The following RBMS3 variants were observed in gnomAD, a reference collection of about 807,000 sequenced individuals.
RBMS3 encodes RNA-binding motif, single-stranded-interacting protein 3.
In RBMS3, 27 loss-of-function variants were observed where a neutral mutation model predicts 66.8. The observed-to-expected ratio is 0.40, with a 90% confidence interval of 0.30 to 0.56. RBMS3 has a LOEUF of 0.56. RBMS3 is among the 20% of genes least tolerant of loss of function. The probability of loss-of-function intolerance (pLI) is 0.40; values close to 1 mark genes in which losing one functional copy is unlikely to be tolerated. For synonymous variants in RBMS3, 188 were observed against 183.0 expected, an observed-to-expected ratio of 1.03 and a Z score of -0.22; for missense variants, 513 against 549.5, an observed-to-expected ratio of 0.93 and a Z score of 0.66.
chr3:29,580,021 G>C (rs1307785738), intron 3 of RBMS3, among the ~76,000 whole-genome samples: 1 of 152,178 alleles, frequency 6.6e-6, no homozygotes, highest in Non-Finnish European at 1.5e-5. Flanking sequence ...TTGAATTTGT[G>C]TTTAGTTTAA....
chr3:29,473,161 T>G (rs11720003), intron 2 of RBMS3, among the ~76,000 whole-genome samples: 70,873 of 144,754 alleles, frequency 0.49, 17,391 homozygotes, highest in East Asian at 0.64. Flanking sequence ...AGACATAAAG[T>G]TTCTCCAAGT....
intron 1 of RBMS3, among the ~76,000 whole-genome samples, chr3:29,329,703 A>G (rs1283942086): frequency 2.0e-5 from 3 of 151,762 alleles, no homozygotes; most frequent in African/African-American, 7.2e-5. Context: ...CTTAATGCAT[A>G]TTTAAGCACA....
intron 3 of RBMS3, among the ~76,000 whole-genome samples, chr3:29,582,593 T>C (rs1408513353): frequency 1.3e-5 from 2 of 152,190 alleles, no homozygotes; most frequent in Non-Finnish European, 2.9e-5. Flanking sequence ...CAGTGTTGTG[T>C]TGAGGATTTT....
chr3:29,801,272 C>CTTTTTTTTTTTTTTTT lies in RBMS3; in HGVS notation c.637+38296_637+38297insTTTTTTTTTTTTTTTT, dbSNP rs200997680. 8.5e-5 allele frequency among the ~76,000 whole-genome samples: 11 copies of CTTTTTTTTTTTTTTTT among 129,478 alleles called. 1 individual carries two copies. The highest frequency in any genetic ancestry group is 2.4e-4 in the South Asian group (1 of 4,242). 84.9% of individuals were successfully genotyped at this position (129,478 alleles called of 152,430 possible). A position where few individuals can be genotyped will look rare whatever the true frequency, so the allele number is the denominator to read the frequency against. ...AACTTGAAGAATCATTGCTTTTTTTCTTTTTTTTTTTTTGAGACAAAGTCT... is the reference window on the plus strand; with the variant it reads ...AACTTGAAGAATCATTGCTTTTTTTCTTTTTTTTTTTTTTTTTTTTTTTTTTTTTGAGACAAAGTCT... On this transcript the variant is annotated intron_variant, in intron 6 of 14. Transcript: ENST00000383767.
intron 1 of RBMS3, among the ~76,000 whole-genome samples, chr3:29,429,768 A>C (rs1187499202): frequency 6.6e-6 from 1 of 152,170 alleles, no homozygotes; most frequent in Admixed American, 6.5e-5. Context: ...TTCTTTACTA[A>C]CATTTTAAAA....
chr3:29,431,778 T>G (rs571019407), intron 1 of RBMS3, among the ~76,000 whole-genome samples: 1 of 152,238 alleles, frequency 6.6e-6, no homozygotes, highest in East Asian at 1.9e-4. Context: ...CAGGCTAGAG[T>G]GCAGTGGCGC....
At chr3:29,986,398 C>T (rs930314990) in intron 12 of RBMS3, among the ~76,000 whole-genome samples, 1 of 152,134 alleles carries the variant, frequency 6.6e-6, no homozygotes, top group African/African-American at 2.4e-5. Context: ...TAATAGGCTT[C>T]TTCTGTAAAA....
chr3:29,341,843 T>G (rs1389797223), intron 1 of RBMS3, among the ~76,000 whole-genome samples: 1 of 152,180 alleles, frequency 6.6e-6, no homozygotes, highest in African/African-American at 2.4e-5. Flanking sequence ...GAAGACAAAC[T>G]AAAGTCATTT....
At chr3:29,800,204 G>T (rs2057345147) in intron 6 of RBMS3, among the ~76,000 whole-genome samples, 2 of 150,988 alleles carry the variant, frequency 1.3e-5, no homozygotes, top group South Asian at 4.2e-4. Context: ...TATCTAAATG[G>T]TTTTCAGAAA....
chr3:29,908,291 A>G (rs539094735), intron 10 of RBMS3, among the ~76,000 whole-genome samples: 2 of 152,152 alleles, frequency 1.3e-5, no homozygotes, highest in African/African-American at 4.8e-5. Flanking sequence ...AATACCATGT[A>G]TGATCATGAT....
At chr3:29,823,693 C>T (rs1312774749) in intron 6 of RBMS3, among the ~76,000 whole-genome samples, 1 of 152,030 alleles carries the variant, frequency 6.6e-6, no homozygotes, top group East Asian at 1.9e-4. Context: ...ATTAAGTAGT[C>T]ATATATGGTT....
At chr3:29,519,178 T>A (rs558801265) in intron 3 of RBMS3, among the ~76,000 whole-genome samples, 1 of 152,348 alleles carries the variant, frequency 6.6e-6, no homozygotes, top group African/African-American at 2.4e-5. Context: ...CATAGATGTG[T>A]TACCTCAGCA....
chr3:29,698,093 C>T (rs982987367), intron 4 of RBMS3: 1 of 563,522 alleles, frequency 1.8e-6, no homozygotes, highest in African/African-American at 2.1e-5. Context: ...CTTGGTGCTT[C>T]ATTTTATGTG....
At chr3:29,992,804 A>ATGAGAAAATTGATCAGATAT (rs6147751) in intron 14 of RBMS3, among the ~76,000 whole-genome samples, 22,130 of 151,830 alleles carry the variant, frequency 0.15, 1,804 homozygotes, top group East Asian at 0.19. Context: ...AATGTAGGGG[A>ATGAGAAAATTGATCAGATAT]TGAGAAAATT....
rs775426825 is a variant in RBMS3 at position 29,868,869 on chromosome 3, C to G, written c.649C>G (p.Pro217Ala). The stretch of plus-strand genomic sequence containing the variant: ...TCTTATCTTCCCAGCCCCCAGTGAG[C>G]CTTTGCTGTGCAAATTCGCTGATGG... ...TPPGIPAPSE[P>A]LLCKFADGGQ... is the part of the protein sequence containing the mutation. Residue 217 changes from proline (P) to alanine (A), a missense_variant, in exon 7 of 15, where the codon CCT becomes GCT. By Grantham distance (27) the Pro-to-Ala change is conservative (BLOSUM62 -1). Coordinates refer to ENST00000383767, the MANE Select transcript of RBMS3 (RefSeq NM_001003793.3). The G allele has an allele frequency of 6.3e-7, 1 of 1,598,018 alleles. No homozygotes were observed. The highest frequency in any genetic ancestry group is 1.7e-5 in the Admixed American group (1 of 58,232).
intron 6 of RBMS3, among the ~76,000 whole-genome samples, chr3:29,866,753 A>T (rs1269348163): frequency 1.3e-5 from 2 of 152,204 alleles, no homozygotes; most frequent in Non-Finnish European, 2.9e-5. Flanking sequence ...ATCAGAATTT[A>T]CAGTACTTCT....
At chr3:29,488,098 C>G (rs918053028) in intron 2 of RBMS3, among the ~76,000 whole-genome samples, 1 of 152,190 alleles carries the variant, frequency 6.6e-6, no homozygotes, top group East Asian at 1.9e-4. Context: ...GAGCTGGATG[C>G]AAACCCTGTT....
chr3:29,368,244 A>C (rs1229516062), intron 1 of RBMS3, among the ~76,000 whole-genome samples: 1 of 152,232 alleles, frequency 6.6e-6, no homozygotes, highest in African/African-American at 2.4e-5. Flanking sequence ...AAAACCATCA[A>C]GGTCTGTGCA....
rs551829912 is a variant in RBMS3 at position 29,741,123 on chromosome 3, T to C, written c.557+1246T>C. On this transcript the variant is annotated intron_variant, in intron 5 of 14. Transcript: ENST00000383767. Reference sequence around the variant, plus strand: ...AGATAACAAATCGTCATGTATATGTTAACTAATCTCTAACTTTATTTCCTT... The same window carrying C: ...AGATAACAAATCGTCATGTATATGTCAACTAATCTCTAACTTTATTTCCTT... 2.6e-5 allele frequency among the ~76,000 whole-genome samples: 4 copies of C among 152,320 alleles called. No individual in the cohort carries two copies. The South Asian group carries it at 8.3e-4, about 32-fold the overall frequency.
Sources: allele counts gnomAD v4.1 joint callset (sites outside exome capture counted in the v4.1 genomes callset), GRCh38; gene constraint gnomAD v4.1.1; transcripts MANE v1.5; gene names NCBI Gene and HGNC (gene_info 2026-07-23, HGNC 2026-07-21).